CTNNA2: variants seen among roughly 807,000 people sequenced by gnomAD.
The protein encoded by CTNNA2 is catenin alpha-2.
In CTNNA2, 42 loss-of-function variants were observed where a neutral mutation model predicts 101.0. That is an observed-to-expected ratio of 0.42 (90% CI 0.32 to 0.54). The LOEUF is 0.54. CTNNA2 is among the 20% of genes least tolerant of loss of function. The pLI is 0.14. For synonymous variants in CTNNA2, 450 were observed against 456.4 expected (o/e 0.99, Z 0.18); for missense variants, 871 against 1,223.1 (o/e 0.71, Z 4.29).
intron 4 of CTNNA2, among the ~76,000 whole-genome samples, chr2:79,483,417 T>C (rs531048950): frequency 1.3e-5 from 2 of 152,164 alleles, no homozygotes; most frequent in African/African-American, 2.4e-5. Flanking sequence ...TTCTTTAGGT[T>C]CTCTCAAGAG....
At chr2:80,036,023 G>GAATCAAAA (rs1695625195) in intron 7 of CTNNA2, among the ~76,000 whole-genome samples, 1 of 152,166 alleles carries the variant, frequency 6.6e-6, no homozygotes, top group African/African-American at 2.4e-5. Context: ...CCCACATGAC[G>GAATCAAAA]GTCTCATCAG....
chr2:79,563,780 A>G (rs1346842785), intron 1 of CTNNA2, among the ~76,000 whole-genome samples: 1 of 152,220 alleles, frequency 6.6e-6, no homozygotes, highest in Non-Finnish European at 1.5e-5. Context: ...ATACTAGTGC[A>G]GCATGTATTT....
At chr2:79,909,517 T>C in intron 6 of CTNNA2, 77 bp from the exon 7 acceptor site, 2 of 1,220,490 alleles carry the variant, frequency 1.6e-6, no homozygotes, top group Non-Finnish European at 2.3e-6. Flanking sequence ...CTCAGATATT[T>C]CTGGTTTCAA....
chr2:79,574,797 C>T (rs1187504870), intron 1 of CTNNA2, among the ~76,000 whole-genome samples: 4 of 152,188 alleles, frequency 2.6e-5, no homozygotes, highest in Admixed American at 2.6e-4. Context: ...TGCTACACTG[C>T]TTTCCAAAAT....
At chr2:79,393,696 A>G (rs1242207152) in intron 4 of CTNNA2, among the ~76,000 whole-genome samples, 1 of 151,902 alleles carries the variant, frequency 6.6e-6, no homozygotes, top group Non-Finnish European at 1.5e-5. Context: ...GGAGGTCACA[A>G]GCAGGAATGT....
intron 9 of CTNNA2, among the ~76,000 whole-genome samples, chr2:80,515,144 T>G (rs1373302943): frequency 6.6e-6 from 1 of 151,806 alleles, no homozygotes; most frequent in East Asian, 1.9e-4. Flanking sequence ...CTAGGTGAAT[T>G]GCCCATCTTT....
At chr2:79,668,388 C>T (rs921473209) in intron 2 of CTNNA2, among the ~76,000 whole-genome samples, 1 of 150,448 alleles carries the variant, frequency 6.6e-6, no homozygotes, top group Non-Finnish European at 1.5e-5. Flanking sequence ...AATGTATGAG[C>T]TAATTCATTT....
At chr2:80,632,121 A>G (rs1672362959) in intron 18 of CTNNA2, among the ~76,000 whole-genome samples, 1 of 152,130 alleles carries the variant, frequency 6.6e-6, no homozygotes, top group Non-Finnish European at 1.5e-5. Context: ...AGAACAGACC[A>G]TCCATAATCT....
intron 18 of CTNNA2, among the ~76,000 whole-genome samples, chr2:80,632,962 G>A (rs1222274895): frequency 6.6e-6 from 1 of 152,126 alleles, no homozygotes; most frequent in African/African-American, 2.4e-5. Context: ...AACTTTCACA[G>A]CCAGTAAGTG....
chr2:79,871,603 G>A (rs1372045492), intron 5 of CTNNA2, among the ~76,000 whole-genome samples: 1 of 152,072 alleles, frequency 6.6e-6, no homozygotes, highest in Non-Finnish European at 1.5e-5. Context: ...CGACTGGATG[G>A]TACCCACCTA....
At chr2:79,512,445 C>T (rs184014632), upstream of CTNNA2, among the ~76,000 whole-genome samples, 110 of 152,174 alleles carry the variant, frequency 7.2e-4, no homozygotes, top group African/African-American at 2.3e-3. Flanking sequence ...CTCCACATCC[C>T]AACAAACCTC....
chr2:79,784,893 A>G (rs1465352885), intron 3 of CTNNA2, among the ~76,000 whole-genome samples: 1 of 152,118 alleles, frequency 6.6e-6, no homozygotes, highest in Non-Finnish European at 1.5e-5. Flanking sequence ...TACTTATGCT[A>G]TTAGAAGTCA....
intron 4 of CTNNA2, among the ~76,000 whole-genome samples, chr2:79,467,739 A>C (rs1234217732): frequency 6.6e-6 from 1 of 152,236 alleles, no homozygotes; most frequent in Non-Finnish European, 1.5e-5. Flanking sequence ...TCTTAAAGAA[A>C]AGAATTTTCA....
chr2:79,578,848 C>T lies in CTNNA2; in HGVS notation c.-6+65641C>T, dbSNP rs148039900. On this transcript the variant is annotated intron_variant, in intron 1 of 18. Coordinates refer to ENST00000402739, the MANE Select transcript of CTNNA2 (RefSeq NM_001282597.3). ...TATTATCTCCTTCCTTCCCTGTAGTCTTTTTGTGTCTTAAATGTGGGGCCT... is the reference window on the plus strand; with the variant it reads ...TATTATCTCCTTCCTTCCCTGTAGTTTTTTTGTGTCTTAAATGTGGGGCCT... Among the ~76,000 whole-genome samples the T allele has an allele frequency of 1.1e-3, 162 of 152,144 alleles. 1 individual carries two copies. The highest frequency in any genetic ancestry group is 3.7e-3 in the African/African-American group (153 of 41,510).
chr2:80,463,790 T>A (rs1572953489), intron 9 of CTNNA2, among the ~76,000 whole-genome samples: 1 of 152,258 alleles, frequency 6.6e-6, no homozygotes, highest in East Asian at 1.9e-4. Flanking sequence ...TAGTATATAT[T>A]TTCTAGGCAG....
At chr2:79,785,439 C>G (rs891997760) in intron 3 of CTNNA2, among the ~76,000 whole-genome samples, 1 of 152,148 alleles carries the variant, frequency 6.6e-6, no homozygotes, top group Non-Finnish European at 1.5e-5. Context: ...GATTTTCTCC[C>G]TCGGTCCTTC....
rs149264686 is a variant in CTNNA2, at chr2:80,242,593, C to T, written c.1057-150618C>T. 1.1e-4 allele frequency among the ~76,000 whole-genome samples: 16 copies of T among 152,292 alleles called. No homozygotes were observed. The East Asian group carries it at 3.1e-3, about 29-fold the overall frequency. The stretch of plus-strand genomic sequence containing the variant: ...ACTGTAAGAGCCAAATCAAAGGTGC[C>T]AGCCTCCTGTGATCTTTCCATTTTG... On this transcript the variant is annotated intron_variant, in intron 7 of 18. Transcript: ENST00000402739.
intron 7 of CTNNA2, among the ~76,000 whole-genome samples, chr2:80,330,011 A>G (rs1573737756): frequency 6.6e-6 from 1 of 152,234 alleles, no homozygotes; most frequent in African/African-American, 2.4e-5. Flanking sequence ...CCTTCCTGCC[A>G]TGTCCTTCTA....
intron 8 of CTNNA2, among the ~76,000 whole-genome samples, chr2:80,416,737 A>G (rs925242121): frequency 5.3e-5 from 8 of 152,004 alleles, no homozygotes; most frequent in African/African-American, 1.9e-4. Context: ...TTTCCTAGAT[A>G]TTTTAATTCT....
Sources: allele counts gnomAD v4.1 joint callset (sites outside exome capture counted in the v4.1 genomes callset), GRCh38; gene constraint gnomAD v4.1.1; transcripts MANE v1.5; gene names NCBI Gene and HGNC (gene_info 2026-07-23, HGNC 2026-07-21).